Variants in CNTNAP4 observed in about 807,000 individuals in gnomAD.
CNTNAP4 encodes contactin associated protein family member 4.
Under a neutral mutation model 148.4 loss-of-function variants are expected in CNTNAP4, and 98 were observed. That is an observed-to-expected ratio of 0.66 (90% CI 0.56 to 0.78). CNTNAP4 has a LOEUF of 0.78. CNTNAP4 is among the 30% of genes least tolerant of loss of function. The probability of loss-of-function intolerance (pLI) is 0.00; values close to 1 mark genes in which losing one functional copy is unlikely to be tolerated. For synonymous variants in CNTNAP4, 730 were observed against 565.1 expected, an observed-to-expected ratio of 1.29 and a Z score of -4.14; for missense variants, 1,935 against 1,565.6, an observed-to-expected ratio of 1.24 and a Z score of -3.98.
chr16:76,352,799 A>G (rs1341845378), intron 2 of CNTNAP4, among the ~76,000 whole-genome samples: 1 of 152,168 alleles, frequency 6.6e-6, no homozygotes, highest in East Asian at 1.9e-4. Flanking sequence ...GTTCCCGCAG[A>G]GTTCAAGAAC....
chr16:76,452,893 A>G, intron 8 of CNTNAP4, 124 bp downstream of exon 8: 1 of 890,032 alleles, frequency 1.1e-6, no homozygotes. Context: ...CAGGTTAATA[A>G]GATTATAAGT....
intron 19 of CNTNAP4, among the ~76,000 whole-genome samples, chr16:76,539,423 A>G (rs2084354046): frequency 1.3e-5 from 2 of 152,080 alleles, no homozygotes; most frequent in Admixed American, 6.6e-5. Flanking sequence ...AATACTTAAT[A>G]TTATTTTTTA....
At chr16:76,439,062 A>G (rs2079940873) in intron 4 of CNTNAP4, among the ~76,000 whole-genome samples, 1 of 152,160 alleles carries the variant, frequency 6.6e-6, no homozygotes, top group South Asian at 2.1e-4. Context: ...AATGTGTAAT[A>G]TGTCTGTACA....
At chr16:76,414,404 A>G in intron 3 of CNTNAP4, among the ~76,000 whole-genome samples, 1 of 151,400 alleles carries the variant, frequency 6.6e-6, no homozygotes, top group South Asian at 2.1e-4. Context: ...TTTTTTCTAT[A>G]TTTTTATATT....
At chr16:76,402,103 A>T (rs1050776392) in intron 3 of CNTNAP4, among the ~76,000 whole-genome samples, 1 of 152,140 alleles carries the variant, frequency 6.6e-6, no homozygotes, top group African/African-American at 2.4e-5. Context: ...TTTGGAAATC[A>T]TATCATTGGG....
intron 2 of CNTNAP4, among the ~76,000 whole-genome samples, chr16:76,326,509 T>C (rs1272636680): frequency 2.6e-5 from 4 of 152,172 alleles, no homozygotes; most frequent in Non-Finnish European, 5.9e-5. Flanking sequence ...GTATGTTTAT[T>C]GCGGCACTAT....
chr16:76,460,618 C>G (rs1409103818), intron 8 of CNTNAP4, among the ~76,000 whole-genome samples: 3 of 147,856 alleles, frequency 2.0e-5, no homozygotes, highest in African/African-American at 7.4e-5. Flanking sequence ...AAAAAATTAG[C>G]CAGGCGTGGT....
chr16:76,371,195 A>G (rs909022313), intron 3 of CNTNAP4, among the ~76,000 whole-genome samples: 9 of 152,230 alleles, frequency 5.9e-5, no homozygotes, highest in African/African-American at 2.2e-4. Context: ...CAGATGATCA[A>G]ACATCAAACA....
At chr16:76,347,871 A>G (rs1016513993) in intron 2 of CNTNAP4, among the ~76,000 whole-genome samples, 2 of 152,122 alleles carry the variant, frequency 1.3e-5, no homozygotes, top group African/African-American at 2.4e-5. Flanking sequence ...CATTGAGGAC[A>G]TTGCAGGTGG....
chr16:76,517,595 T>C (rs1333431643), intron 15 of CNTNAP4, among the ~76,000 whole-genome samples: 1 of 152,236 alleles, frequency 6.6e-6, no homozygotes, highest in Non-Finnish European at 1.5e-5. Context: ...CATTTTGATT[T>C]TAAAAGTACA....
intron 2 of CNTNAP4, among the ~76,000 whole-genome samples, chr16:76,328,835 G>A (rs1282592736): frequency 6.6e-6 from 1 of 152,084 alleles, no homozygotes; most frequent in Non-Finnish European, 1.5e-5. Flanking sequence ...AGTAGAGACG[G>A]GGTTTCTCCA....
intron 13 of CNTNAP4, among the ~76,000 whole-genome samples, chr16:76,494,275 G>A (rs1417585357): frequency 1.3e-5 from 2 of 152,088 alleles, no homozygotes; most frequent in Admixed American, 1.3e-4. Flanking sequence ...TCCATTGAGT[G>A]TAATATTCGC....
intron 2 of CNTNAP4, among the ~76,000 whole-genome samples, chr16:76,331,397 C>G (rs1314765727): frequency 6.6e-6 from 1 of 151,776 alleles, no homozygotes; most frequent in Non-Finnish European, 1.5e-5. Context: ...ACAGTGTTAG[C>G]CAGGATGGTC....
At chr16:76,447,941 T>C (rs1356913899) in intron 4 of CNTNAP4, 71 bp from the exon 5 acceptor site, 2 of 1,100,840 alleles carry the variant, frequency 1.8e-6, no homozygotes, top group Non-Finnish European at 2.7e-6. Context: ...TCTCAATATA[T>C]AATGCATTTA....
intron 1 of CNTNAP4, among the ~76,000 whole-genome samples, chr16:76,311,300 T>A (rs1197053928): frequency 6.6e-6 from 1 of 152,082 alleles, no homozygotes; most frequent in Non-Finnish European, 1.5e-5. Context: ...GGCTATTGAG[T>A]TTTTTTGTAT....
At chr16:76,378,496 A>G (rs572945040) in intron 3 of CNTNAP4, among the ~76,000 whole-genome samples, 1 of 152,296 alleles carries the variant, frequency 6.6e-6, no homozygotes, top group African/African-American at 2.4e-5. Flanking sequence ...GTATAAGACC[A>G]GGATTTGTAT....
At chr16:76,447,471 A>T (rs1457651157) in intron 4 of CNTNAP4, among the ~76,000 whole-genome samples, 1 of 151,994 alleles carries the variant, frequency 6.6e-6, no homozygotes, top group Non-Finnish European at 1.5e-5. Flanking sequence ...GTCAATAGGG[A>T]ATTAGATGTT....
chr16:76,285,518 T>G (rs1352466121), intron 1 of CNTNAP4, among the ~76,000 whole-genome samples: 1 of 152,054 alleles, frequency 6.6e-6, no homozygotes, highest in Non-Finnish European at 1.5e-5. Context: ...TACTTGGCAG[T>G]GCTCTAGAAT....
intron 1 of CNTNAP4, among the ~76,000 whole-genome samples, chr16:76,285,888 A>T (rs1473938575): frequency 6.6e-6 from 1 of 151,904 alleles, no homozygotes; most frequent in Admixed American, 6.6e-5. Context: ...GGCCCACCAC[A>T]GAGACCCCCA....
Sources: gnomAD v4.1 joint callset for allele counts (sites outside exome capture counted in the v4.1 genomes callset) on GRCh38, gnomAD v4.1.1 for gene constraint, MANE v1.5 for transcripts, NCBI Gene and HGNC (gene_info 2026-07-23, HGNC 2026-07-21) for gene names.